MYO5C: variants seen among roughly 807,000 people sequenced by gnomAD.
MYO5C encodes myosin VC, also known as unconventional myosin-Vc.
In MYO5C, 194 loss-of-function variants were observed where a neutral mutation model predicts 235.7. That is an observed-to-expected ratio of 0.82 (90% CI 0.73 to 0.93). The LOEUF (loss-of-function observed/expected upper bound fraction) is 0.93. Ranked by LOEUF, MYO5C falls within the 40% of genes least tolerant of loss-of-function variation. The probability of loss-of-function intolerance (pLI) is 0.00; values close to 1 mark genes in which losing one functional copy is unlikely to be tolerated. For synonymous variants in MYO5C, 707 were observed against 754.8 expected (o/e 0.94, Z 1.04); for missense variants, 2,038 against 2,127.2 (o/e 0.96, Z 0.82).
intron 11 of MYO5C, among the ~76,000 whole-genome samples, chr15:52,254,817 G>A (rs902663921): frequency 2.6e-5 from 4 of 152,086 alleles, no homozygotes; most frequent in Non-Finnish European, 2.9e-5. Context: ...GGAGCAGCAC[G>A]CCATTGCAGC....
rs185752166 is a variant in MYO5C at position 52,293,493 on chromosome 15, C to T, written c.27+2117G>A. On this transcript the variant is annotated intron_variant, in intron 1 of 40. Coordinates refer to ENST00000261839, the MANE Select transcript of MYO5C (RefSeq NM_018728.4). Reference sequence around the variant, plus strand: ...GGAAGCCCCCTCACCCCTTCAACCCCTGCAAATACAGAACTTGCCTGATGA... The same window carrying T: ...GGAAGCCCCCTCACCCCTTCAACCCTTGCAAATACAGAACTTGCCTGATGA... Among the ~76,000 whole-genome samples, 3 of 152,302 alleles carry T rather than the reference C, an allele frequency of 2.0e-5. 1 individual carries two copies. The highest frequency in any genetic ancestry group is 2.0e-4 in the Admixed American group (3 of 15,302).
At chr15:52,233,755 C>A (rs1236252820) in intron 23 of MYO5C, among the ~76,000 whole-genome samples, 1 of 152,176 alleles carries the variant, frequency 6.6e-6, no homozygotes, top group Admixed American at 6.5e-5. Context: ...ACCCATATGC[C>A]ACAGGGGCCA....
chr15:52,272,941 A>C (rs934690780), intron 5 of MYO5C, among the ~76,000 whole-genome samples: 3 of 152,208 alleles, frequency 2.0e-5, no homozygotes, highest in Non-Finnish European at 4.4e-5. Context: ...CCACTGGCAG[A>C]TACTGGGGAG....
intron 39 of MYO5C, among the ~76,000 whole-genome samples, chr15:52,195,822 A>C (rs973695868): frequency 3.9e-5 from 6 of 151,914 alleles, no homozygotes; most frequent in Non-Finnish European, 5.9e-5. Flanking sequence ...TTTTTGAGAT[A>C]GGGTCTCCCT....
chr15:52,193,325 A>T lies in MYO5C; in HGVS notation c.*577T>A, dbSNP rs933046452. On this transcript the variant is annotated 3_prime_UTR_variant, in exon 41 of 41. Coordinates refer to ENST00000261839, the MANE Select transcript of MYO5C (RefSeq NM_018728.4). ...AGACTCCGGAGTCTCAAAAAAAAAAAAAAAAAAAAATTTAGAAGGGTCTAA... is the reference window on the plus strand; with the variant it reads ...AGACTCCGGAGTCTCAAAAAAAAAATAAAAAAAAAATTTAGAAGGGTCTAA... 4.6e-5 allele frequency: 7 copies of T among 152,092 alleles called. No individual in the cohort carries two copies. Among genetic ancestry groups the T allele is most frequent in the Non-Finnish European group, 8.8e-5 (6 of 68,034 alleles). 9.4% of individuals were successfully genotyped at this position (152,092 alleles called of 1,614,324 possible). A position where few individuals can be genotyped will look rare whatever the true frequency, so the allele number is the denominator to read the frequency against.
At chr15:52,213,107 C>A in intron 34 of MYO5C, 81 bp downstream of exon 34, 1 of 1,046,488 alleles carries the variant, frequency 9.6e-7, no homozygotes, top group South Asian at 1.3e-5. Flanking sequence ...AAAAGGACCA[C>A]CCCTGCCCAG....
At position 52,261,056 on chromosome 15, in the gene MYO5C, C is replaced by A. The variant is rs765608809; in HGVS notation, c.1119G>T (p.Leu373=). Residue 373 remains leucine, a synonymous_variant, in exon 10 of 41, where the codon CTG becomes CTT. Transcript: ENST00000261839. Reference sequence around the variant, plus strand: ...AGCTTGTGACGATTTTGCGATTGCACAGCCACTGAGCAACTCTGCCACTCT... The same window carrying A: ...AGCTTGTGACGATTTTGCGATTGCAAAGCCACTGAGCAACTCTGCCACTCT... ...GLESGRVAQW[L]CNRKIVTSSE... is the part of the protein sequence containing the mutation. 1 of 1,614,250 alleles carries A rather than the reference C, an allele frequency of 6.2e-7. No individual in the cohort carries two copies. The highest frequency in any genetic ancestry group is 1.1e-5 in the South Asian group (1 of 91,088).
At position 52,256,574 on chromosome 15, in the gene MYO5C, C is replaced by CAT; in HGVS notation, c.1395+64_1395+65insAT. On this transcript the variant is annotated intron_variant, in intron 11 of 40. Coordinates refer to ENST00000261839, the MANE Select transcript of MYO5C (RefSeq NM_018728.4). ...GCCTCTTTCCACGAACACACACACA[C>CAT]ACACACACACACACGCGCGCGCGCG... 8 of 893,734 alleles carry CAT rather than the reference C, an allele frequency of 9.0e-6. 1 individual carries two copies. Among genetic ancestry groups the CAT allele is most frequent in the South Asian group, 8.3e-5 (6 of 72,440 alleles). The allele number at this position is 893,734 out of a possible 1,614,324, so 55.4% of individuals were successfully genotyped here. A position where few individuals can be genotyped will look rare whatever the true frequency, so the allele number is the denominator to read the frequency against.
At position 52,271,759 on chromosome 15, in the gene MYO5C, A is replaced by G; in HGVS notation, c.832+4T>C. The stretch of plus-strand genomic sequence containing the variant: ...GACCCTTTCATACACGATCCATCAC[A>G]TACCCAATTTAAGATGTTTAAATTC... On this transcript the variant is annotated splice_donor_region_variant and intron_variant, in intron 7 of 40. Coordinates refer to ENST00000261839, the MANE Select transcript of MYO5C (RefSeq NM_018728.4). 6.5e-7 allele frequency: 1 copy of G among 1,528,046 alleles called. No homozygotes were observed. The highest frequency in any genetic ancestry group is 8.9e-7 in the Non-Finnish European group (1 of 1,122,042). 94.7% of individuals were successfully genotyped at this position (1,528,046 alleles called of 1,614,324 possible).
chr15:52,244,464 A>T lies in MYO5C; in HGVS notation c.2282T>A (p.Val761Asp). The T allele has an allele frequency of 6.2e-7, 1 of 1,614,156 alleles. No individual in the cohort carries two copies. Among genetic ancestry groups the T allele is most frequent in the East Asian group, 2.2e-5 (1 of 44,882 alleles). The stretch of plus-strand genomic sequence containing the variant: ...GCCACGCATGTGCTTTTGTACCATA[A>T]CACAACTCTGCCTCAGTTTATCCAA... Reference protein sequence around the residue: ...LRLDKLRQSCVMVQKHMRGWL... With the variant: ...LRLDKLRQSCDMVQKHMRGWL... Residue 761 changes from valine (V) to aspartate (D), a missense_variant, in exon 19 of 41, where the codon GTT (valine) becomes GAT (aspartate). Physicochemically the swap from Val to Asp is radical, Grantham distance 152. Coordinates refer to ENST00000261839, the MANE Select transcript of MYO5C (RefSeq NM_018728.4).
intron 37 of MYO5C, 174 bp downstream of exon 37, chr15:52,205,642 T>C: frequency 2.3e-6 from 1 of 436,378 alleles, no homozygotes; most frequent in South Asian, 6.8e-5. Context: ...GTACTATTAT[T>C]TATGGAATCA....
At position 52,242,216 on chromosome 15, in the gene MYO5C, TG is replaced by T. The variant is rs748133744; in HGVS notation, c.2391-4del. On this transcript the variant is annotated splice_region_variant and splice_polypyrimidine_tract_variant and intron_variant, in intron 19 of 40. Coordinates refer to ENST00000261839, the MANE Select transcript of MYO5C (RefSeq NM_018728.4). ...AGGCCACTGCAGTAATAGCTTTCCT[TG>T]GTTAACAAGGATGAAGAGTGAGTCT... 1.2e-5 allele frequency: 19 copies of T among 1,608,842 alleles called. No homozygotes were observed. The Middle Eastern group carries it at 5.0e-4, about 42-fold the overall frequency.
At chr15:52,275,096 G>A (rs1326928036) in intron 5 of MYO5C, among the ~76,000 whole-genome samples, 1 of 152,224 alleles carries the variant, frequency 6.6e-6, no homozygotes, top group East Asian at 1.9e-4. Flanking sequence ...CTTGGGGAGG[G>A]CAGGAGGAAG....
chr15:52,218,731 A>T (rs1247639459), intron 31 of MYO5C, 44 bp from the exon 32 acceptor site: 1 of 1,597,000 alleles, frequency 6.3e-7, no homozygotes, highest in Non-Finnish European at 8.6e-7. Context: ...TATGACGGTC[A>T]TGGAGAAGTC....
rs764948117 is a variant in MYO5C, at chr15:52,223,738, G to A, written c.3447-14C>T. ...CTCTCCAAAACACTATTAAAGGAGG[G>A]GTCAAGAAATAAACCACATGGCCTT... On this transcript the variant is annotated splice_polypyrimidine_tract_variant and intron_variant, in intron 28 of 40. Transcript: ENST00000261839. 1.2e-6 allele frequency: 2 copies of A among 1,607,536 alleles called. No individual in the cohort carries two copies. The highest frequency in any genetic ancestry group is 1.7e-6 in the Non-Finnish European group (2 of 1,176,554).
At chr15:52,264,103 G>A in intron 9 of MYO5C, 87 bp downstream of exon 9, 2 of 978,536 alleles carry the variant, frequency 2.0e-6, no homozygotes, top group Non-Finnish European at 3.1e-6. Flanking sequence ...ACTATATCTG[G>A]TGCTAAAAAG....
chr15:52,294,582 A>G (rs2037459467), intron 1 of MYO5C, among the ~76,000 whole-genome samples: 1 of 152,222 alleles, frequency 6.6e-6, no homozygotes, highest in African/African-American at 2.4e-5. Flanking sequence ...AAGCTAGAGC[A>G]TGTGTCCGGG....
In MYO5C at chr15:52,223,702, AC is replaced by A. The variant is rs2035753666; in HGVS notation, c.3468del (p.Gln1156HisfsTer14). On this transcript the variant is annotated frameshift_variant, in exon 29 of 41. Transcript: ENST00000261839. LOFTEE classifies it high-confidence loss of function. ...KATRVLESHF[Q>X]SQKDCYEKEI... ...TCCTTTTCATAGCAATCCTTCTGAG[AC>A]TGGAAATGGCTCTCCAAAACACTAT... is the stretch of plus-strand genomic sequence containing the variant. 3.1e-6 allele frequency: 5 copies of A among 1,613,940 alleles called. No homozygotes were observed. The South Asian group carries it at 5.5e-5, about 18-fold the overall frequency.
chr15:52,268,050 C>T lies in MYO5C; in HGVS notation c.940+1703G>A, dbSNP rs796795535. Reference sequence around the variant, plus strand: ...AAAATGTTTAAACTGCCTTTCTCCTCGAAGCAGGTTTGAGGGAACAGTCTG... The same window carrying T: ...AAAATGTTTAAACTGCCTTTCTCCTTGAAGCAGGTTTGAGGGAACAGTCTG... On this transcript the variant is annotated intron_variant, in intron 8 of 40. Coordinates refer to ENST00000261839, the MANE Select transcript of MYO5C (RefSeq NM_018728.4). Among the ~76,000 whole-genome samples, 10 of 152,208 alleles carry T rather than the reference C, an allele frequency of 6.6e-5. No homozygotes were observed. The South Asian group carries it at 1.2e-3, about 19-fold the overall frequency.
Sources: allele counts gnomAD v4.1 joint callset (sites outside exome capture counted in the v4.1 genomes callset), GRCh38; gene constraint gnomAD v4.1.1; transcripts MANE v1.5; gene names NCBI Gene and HGNC (gene_info 2026-07-23, HGNC 2026-07-21).